The following CTNNA2 variants were observed in gnomAD, a reference collection of about 807,000 sequenced individuals.
The protein encoded by CTNNA2 is catenin alpha-2.
A neutral mutation model predicts 101.0 loss-of-function variants in CTNNA2; 42 were observed. That is an observed-to-expected ratio of 0.42 (90% CI 0.32 to 0.54). The LOEUF (loss-of-function observed/expected upper bound fraction) is 0.54. Among genes scored for constraint, CTNNA2 ranks in the 20% least tolerant of loss-of-function variants. The pLI is 0.14. For missense variants in CTNNA2, 871 were observed against 1,223.1 expected, an observed-to-expected ratio of 0.71 and a Z score of 4.29; for synonymous variants, 450 against 456.4, an observed-to-expected ratio of 0.99 and a Z score of 0.18.
intron 3 of CTNNA2, among the ~76,000 whole-genome samples, chr2:79,335,894 G>A (rs1676983299): frequency 6.6e-6 from 1 of 152,164 alleles, no homozygotes; most frequent in Admixed American, 6.5e-5. Flanking sequence ...GAGAACTCTG[G>A]TCCTTTTCCT....
At chr2:79,972,934 A>T (rs1206058298) in intron 7 of CTNNA2, among the ~76,000 whole-genome samples, 1 of 152,152 alleles carries the variant, frequency 6.6e-6, no homozygotes, top group Non-Finnish European at 1.5e-5. Flanking sequence ...GCCTGTTGGC[A>T]TGGTAACGTG....
intron 1 of CTNNA2, among the ~76,000 whole-genome samples, chr2:79,187,372 C>T (rs1278098132): frequency 1.3e-5 from 2 of 149,156 alleles, no homozygotes; most frequent in African/African-American, 2.5e-5. Flanking sequence ...CAGGTTCAAG[C>T]AATTCAGTGC....
chr2:79,731,313 T>C (rs1687181054), intron 2 of CTNNA2, among the ~76,000 whole-genome samples: 1 of 152,092 alleles, frequency 6.6e-6, no homozygotes, highest in African/African-American at 2.4e-5. Context: ...ACTTGTTTAT[T>C]GAAGTGTGGT....
chr2:79,207,580 C>A (rs565926123), intron 2 of CTNNA2, among the ~76,000 whole-genome samples: 94 of 152,274 alleles, frequency 6.2e-4, no homozygotes, highest in Non-Finnish European at 5.4e-4. Context: ...TCGAATGACA[C>A]AAAAGGCAGT....
intron 1 of CTNNA2, among the ~76,000 whole-genome samples, chr2:79,538,107 A>G (rs1383464030): frequency 5.3e-5 from 8 of 152,338 alleles, no homozygotes; most frequent in Non-Finnish European, 1.0e-4. Flanking sequence ...AAACACTAAG[A>G]TAGTTTGTAA....
intron 7 of CTNNA2, among the ~76,000 whole-genome samples, chr2:79,982,798 A>G (rs1342572904): frequency 6.6e-6 from 1 of 152,188 alleles, no homozygotes; most frequent in African/African-American, 2.4e-5. Flanking sequence ...AGTTGAGTCA[A>G]CATCATACTG....
At chr2:80,075,006 C>A (rs1270997939) in intron 7 of CTNNA2, among the ~76,000 whole-genome samples, 1 of 152,166 alleles carries the variant, frequency 6.6e-6, no homozygotes, top group Non-Finnish European at 1.5e-5. Flanking sequence ...GACCTTGATT[C>A]GTTTCTATTA....
In CTNNA2 at chr2:80,647,875, C is replaced by A. The variant is rs189634424; in HGVS notation, c.*3C>A. 2 of 1,564,870 alleles carry A rather than the reference C, an allele frequency of 1.3e-6. No individual in the cohort carries two copies. Among genetic ancestry groups the A allele is most frequent in the Admixed American group, 2.0e-5 (1 of 51,006 alleles). ...TCAAAGCAATGGATTCCTTCTAGGA[C>A]GATAGGTTTTAACAAGAAAGCTTTT... On this transcript the variant is annotated 3_prime_UTR_variant, in exon 19 of 19. Transcript: ENST00000402739.
At chr2:79,938,257 A>G (rs1436556642) in intron 7 of CTNNA2, among the ~76,000 whole-genome samples, 1 of 152,212 alleles carries the variant, frequency 6.6e-6, no homozygotes, top group African/African-American at 2.4e-5. Context: ...ATATGAATAA[A>G]CATATACATT....
chr2:79,978,639 C>A lies in CTNNA2; in HGVS notation c.1056+68842C>A, dbSNP rs375786015. 6.6e-5 allele frequency among the ~76,000 whole-genome samples: 10 copies of A among 152,156 alleles called. No homozygotes were observed. The East Asian group carries it at 1.7e-3, about 27-fold the overall frequency. On this transcript the variant is annotated intron_variant, in intron 7 of 18. Transcript: ENST00000402739. ...TGCTAGGGGAGAAAAGAGTTTGATT[C>A]ATATCTGTCCATTTGCTTCCCAGTC...
intron 7 of CTNNA2, among the ~76,000 whole-genome samples, chr2:80,153,977 T>C (rs937645891): frequency 6.6e-6 from 1 of 152,218 alleles, no homozygotes. Flanking sequence ...CTCTCTGGGC[T>C]TCAGTTTTCA....
At chr2:80,535,030 A>G (rs1690884091) in intron 9 of CTNNA2, among the ~76,000 whole-genome samples, 1 of 152,196 alleles carries the variant, frequency 6.6e-6, no homozygotes, top group African/African-American at 2.4e-5. Context: ...AATATTTGGG[A>G]TCTAACGGGT....
intron 2 of CTNNA2, among the ~76,000 whole-genome samples, chr2:79,260,714 T>C (rs1254851420): frequency 6.6e-6 from 1 of 152,090 alleles, no homozygotes; most frequent in Non-Finnish European, 1.5e-5. Flanking sequence ...AGTGCTGAGT[T>C]CAGTTTCATC....
At chr2:80,129,573 A>T (rs1437066682) in intron 7 of CTNNA2, among the ~76,000 whole-genome samples, 1 of 152,066 alleles carries the variant, frequency 6.6e-6, no homozygotes, top group Admixed American at 6.6e-5. Flanking sequence ...TACCCAATTA[A>T]CTCAGCAGTC....
At chr2:80,008,417 C>T (rs1693530295) in intron 7 of CTNNA2, among the ~76,000 whole-genome samples, 1 of 152,198 alleles carries the variant, frequency 6.6e-6, no homozygotes, top group Non-Finnish European at 1.5e-5. Context: ...TCCCCAGGCA[C>T]TCACTACTAA....
intron 4 of CTNNA2, among the ~76,000 whole-genome samples, chr2:79,464,552 T>A (rs930282773): frequency 1.3e-5 from 2 of 152,176 alleles, no homozygotes; most frequent in Non-Finnish European, 2.9e-5. Flanking sequence ...CCCTGAGGAA[T>A]CACCACACTG....
intron 4 of CTNNA2, among the ~76,000 whole-genome samples, chr2:79,422,140 A>C (rs1678546549): frequency 6.6e-6 from 1 of 152,126 alleles, no homozygotes; most frequent in Admixed American, 6.6e-5. Flanking sequence ...GCGTCGGAGT[A>C]AGACGCTGTC....
chr2:80,196,326 C>T (rs1477500854), intron 7 of CTNNA2, among the ~76,000 whole-genome samples: 1 of 152,120 alleles, frequency 6.6e-6, no homozygotes. Flanking sequence ...ATATTAAATG[C>T]ATTGCCAGCC....
chr2:80,647,875 C>T lies in CTNNA2; in HGVS notation c.*3C>T, dbSNP rs189634424. 615 of 1,564,866 alleles carry T rather than the reference C, an allele frequency of 3.9e-4. 1 individual carries two copies. Among genetic ancestry groups the T allele is most frequent in the Middle Eastern group, 3.3e-3 (19 of 5,808 alleles). Reference sequence around the variant, plus strand: ...TCAAAGCAATGGATTCCTTCTAGGACGATAGGTTTTAACAAGAAAGCTTTT... The same window carrying T: ...TCAAAGCAATGGATTCCTTCTAGGATGATAGGTTTTAACAAGAAAGCTTTT... On this transcript the variant is annotated 3_prime_UTR_variant, in exon 19 of 19. Coordinates refer to ENST00000402739, the MANE Select transcript of CTNNA2 (RefSeq NM_001282597.3).
Sources: allele counts gnomAD v4.1 joint callset (sites outside exome capture counted in the v4.1 genomes callset), GRCh38; gene constraint gnomAD v4.1.1; transcripts MANE v1.5; gene names NCBI Gene and HGNC (gene_info 2026-07-23, HGNC 2026-07-21).